The following TTC28 variants were observed in gnomAD, a reference collection of about 807,000 sequenced individuals.
The protein encoded by TTC28 is tetratricopeptide repeat domain 28, also known as tetratricopeptide repeat protein 28.
Under a neutral mutation model 198.0 loss-of-function variants are expected in TTC28, and 61 were observed. The observed-to-expected ratio is 0.31, with a 90% CI of 0.25 to 0.38. The LOEUF is 0.38. TTC28 is among the 10% of genes least tolerant of loss of function. The probability of loss-of-function intolerance (pLI) is 1.00; values close to 1 mark genes in which losing one functional copy is unlikely to be tolerated. For synonymous variants in TTC28, 1,171 were observed against 1,297.8 expected (o/e 0.90, Z 2.10); for missense variants, 2,678 against 3,164.0 (o/e 0.85, Z 3.69).
chr22:28,169,535 C>T (rs926240558), intron 5 of TTC28, among the ~76,000 whole-genome samples: 2 of 152,076 alleles, frequency 1.3e-5, no homozygotes, highest in Non-Finnish European at 2.9e-5. Context: ...ATGGATGAAG[C>T]TGGAAACCAG....
At position 28,005,567 on chromosome 22, in the gene TTC28, C is replaced by T. The variant is rs1279163797; in HGVS notation, c.4219-4014G>A. ...TAAGGGGCACTGAGGAGGCAGGAGC[C>T]CTCCTGCTGGCCTGGGTCAGTGGTG... On this transcript the variant is annotated intron_variant, in intron 14 of 22. Transcript: ENST00000397906. This position sits in a 1 kb window ranked among gnomAD's most constrained non-coding sequence, Gnocchi z 4.9. Among the ~76,000 whole-genome samples, 6 of 152,176 alleles carry T rather than the reference C, an allele frequency of 3.9e-5. No homozygotes were observed. The South Asian group carries it at 8.3e-4, about 21-fold the overall frequency.
At chr22:28,407,455 TACACACACATGCGTGCGCACACACAC>T (rs1284730553) in intron 2 of TTC28, among the ~76,000 whole-genome samples, 1 of 147,952 alleles carries the variant, frequency 6.8e-6, no homozygotes, top group African/African-American at 2.5e-5. Context: ...CATACACATA[TACACACACATGCGTGCGCACACACAC>T]ACACACACAC....
At chr22:28,131,534 T>C (rs1943060376) in intron 6 of TTC28, among the ~76,000 whole-genome samples, 1 of 152,198 alleles carries the variant, frequency 6.6e-6, no homozygotes, top group South Asian at 2.1e-4. Flanking sequence ...CTCAAGAGCA[T>C]ATCATACCAC....
chr22:28,002,161 G>T (rs1037191240), intron 14 of TTC28: 1 of 155,416 alleles, frequency 6.4e-6, no homozygotes, highest in Non-Finnish European at 1.4e-5. Context: ...ATGAGGACTC[G>T]AGGCAGGGTG....
At chr22:28,371,553 G>C (rs1266793039) in intron 2 of TTC28, among the ~76,000 whole-genome samples, 37 of 100,022 alleles carry the variant, frequency 3.7e-4, no homozygotes, top group Non-Finnish European at 4.1e-4. Context: ...AGACAAGCCT[G>C]GGCAACATGG....
In TTC28 at chr22:28,679,741, C is replaced by G. The variant is rs1314177585; in HGVS notation, c.-18G>C. ...TGCTCCATCCCCACGGGGCCCGGGC[C>G]GCGTCCGCCTCGAGCTAACGGTCCC... is the stretch of plus-strand genomic sequence containing the variant. On this transcript the variant is annotated 5_prime_UTR_variant, in exon 1 of 23. Transcript: ENST00000397906. 1 of 1,205,432 alleles carries G rather than the reference C, an allele frequency of 8.3e-7. No homozygotes were observed. Among genetic ancestry groups the G allele is most frequent in the Non-Finnish European group, 1.0e-6 (1 of 967,708 alleles). The allele number at this position is 1,205,432 out of a possible 1,614,324, so 74.7% of individuals were successfully genotyped here. A position where few individuals can be genotyped will look rare whatever the true frequency, so the allele number is the denominator to read the frequency against.
chr22:28,610,981 A>C (rs2050809100), intron 2 of TTC28, among the ~76,000 whole-genome samples: 1 of 152,162 alleles, frequency 6.6e-6, no homozygotes, highest in African/African-American at 2.4e-5. Context: ...CAGAGATGGA[A>C]GATCAACTTA....
intron 12 of TTC28, among the ~76,000 whole-genome samples, chr22:28,092,443 C>G (rs984351952): frequency 1.3e-5 from 2 of 152,168 alleles, no homozygotes; most frequent in Admixed American, 1.3e-4. Context: ...GCATGCCCAC[C>G]ATGGGATCAG....
chr22:28,524,314 G>T (rs1023707539), intron 2 of TTC28, among the ~76,000 whole-genome samples: 7 of 151,622 alleles, frequency 4.6e-5, no homozygotes, highest in African/African-American at 1.7e-4. Context: ...AAACAAATTG[G>T]CCGGGCATGG....
intron 2 of TTC28, among the ~76,000 whole-genome samples, chr22:28,341,329 G>A (rs1427887158): frequency 6.6e-6 from 1 of 152,126 alleles, no homozygotes; most frequent in South Asian, 2.1e-4. Flanking sequence ...TTTCTTACAA[G>A]CTTTTGCAAT....
intron 5 of TTC28, among the ~76,000 whole-genome samples, chr22:28,210,407 T>A (rs1385130502): frequency 6.6e-6 from 1 of 151,992 alleles, no homozygotes; most frequent in Non-Finnish European, 1.5e-5. Context: ...ATTGGACGAG[T>A]GGCTAACTAG....
intron 2 of TTC28, among the ~76,000 whole-genome samples, chr22:28,507,448 G>A (rs2048628836): frequency 6.6e-6 from 1 of 152,176 alleles, no homozygotes; most frequent in South Asian, 2.1e-4. Flanking sequence ...GTTCCTGAAA[G>A]AGACAGGGAG....
At chr22:28,317,219 T>C (rs2045366643) in intron 2 of TTC28, among the ~76,000 whole-genome samples, 2 of 152,246 alleles carry the variant, frequency 1.3e-5, no homozygotes, top group African/African-American at 4.8e-5. Context: ...ATTAAAATCT[T>C]TGTGTGATAA....
chr22:28,676,856 C>T (rs1014975791), intron 1 of TTC28, among the ~76,000 whole-genome samples: 1 of 151,930 alleles, frequency 6.6e-6, no homozygotes. Flanking sequence ...TAGATCCTGT[C>T]TTTAAAAATA....
rs1005830531 is a variant in TTC28, at chr22:28,595,615, T to C, written c.381+33937A>G. Among the ~76,000 whole-genome samples, 7 of 152,146 alleles carry C rather than the reference T, an allele frequency of 4.6e-5. 1 individual carries two copies. On this transcript the variant is annotated intron_variant, in intron 2 of 22. Transcript: ENST00000397906. ...ATTCAGTCATTTGTTGAACAAACGA[T>C]TACATATCTTTAATAAGTAATAATA...
At position 28,582,196 on chromosome 22, in the gene TTC28, T is replaced by C. The variant is rs1365665762; in HGVS notation, c.381+47356A>G. On this transcript the variant is annotated intron_variant, in intron 2 of 22. Coordinates refer to ENST00000397906, the MANE Select transcript of TTC28 (RefSeq NM_001145418.2). Reference sequence around the variant, plus strand: ...GTCTAGTGCTGGAACTTAGAATGCCTTAAATATTGCTACAGCATTAAGGGG... The same window carrying C: ...GTCTAGTGCTGGAACTTAGAATGCCCTAAATATTGCTACAGCATTAAGGGG... 4.6e-5 allele frequency among the ~76,000 whole-genome samples: 7 copies of C among 152,248 alleles called. No homozygotes were observed. The East Asian group carries it at 1.3e-3, about 29-fold the overall frequency.
intron 2 of TTC28, among the ~76,000 whole-genome samples, chr22:28,525,174 G>A (rs181215387): frequency 8.1e-4 from 123 of 152,090 alleles, no homozygotes; most frequent in Non-Finnish European, 1.5e-3. Flanking sequence ...TGTGTGAAAC[G>A]GGTCTCACTC....
At chr22:28,214,836 T>C (rs868015263) in intron 5 of TTC28, among the ~76,000 whole-genome samples, 2 of 152,208 alleles carry the variant, frequency 1.3e-5, no homozygotes, top group Non-Finnish European at 2.9e-5. Context: ...TGCACACGTA[T>C]GTTTATTGTG....
intron 2 of TTC28, among the ~76,000 whole-genome samples, chr22:28,481,223 A>G (rs937439431): frequency 2.6e-5 from 4 of 152,250 alleles, no homozygotes; most frequent in African/African-American, 9.6e-5. Context: ...ATGACAGAAG[A>G]CATACCACAG....
Sources: allele counts gnomAD v4.1 joint callset (sites outside exome capture counted in the v4.1 genomes callset), GRCh38; gene constraint gnomAD v4.1.1; non-coding constraint Gnocchi (gnomAD v3.1); transcripts MANE v1.5; gene names NCBI Gene and HGNC (gene_info 2026-07-23, HGNC 2026-07-21).